SUGP1: variants seen among roughly 807,000 people sequenced by gnomAD.
SUGP1 encodes SURP and G-patch domain containing 1.
In SUGP1, 34 loss-of-function variants were observed where a neutral mutation model predicts 76.5. The ratio of observed to expected loss-of-function variants is 0.44; its 90% CI spans 0.34 to 0.59. The LOEUF is 0.59. Among genes scored for constraint, SUGP1 ranks in the 20% least tolerant of loss-of-function variants. The pLI, the probability that SUGP1 is intolerant of heterozygous loss-of-function variation, is 0.01. For missense variants in SUGP1, 752 were observed against 851.7 expected (o/e 0.88, Z 1.46); for synonymous variants, 326 against 326.2 (o/e 1.00, Z 0.01).
intron 8 of SUGP1, among the ~76,000 whole-genome samples, chr19:19,294,186 CA>C (rs2061207106): frequency 7.4e-6 from 1 of 135,748 alleles, no homozygotes; most frequent in African/African-American, 2.8e-5. Context: ...GACCCTGTCT[CA>C]AAAGAAAAAA....
intron 12 of SUGP1, 49 bp from the exon 13 acceptor site, chr19:19,277,125 C>CA: frequency 6.4e-7 from 1 of 1,566,926 alleles, no homozygotes. Context: ...AGAACTCTGG[C>CA]CGGGGGGCCG....
intron 5 of SUGP1, 88 bp from the exon 6 acceptor site, chr19:19,303,536 C>G: frequency 7.1e-7 from 1 of 1,407,490 alleles, no homozygotes; most frequent in Non-Finnish European, 1.0e-6. Context: ...CAAAAAAAGG[C>G]AGGCTGGCGA....
chr19:19,320,357 G>A lies in SUGP1; in HGVS notation c.34+106C>T, dbSNP rs368365282. On this transcript the variant is annotated intron_variant, in intron 1 of 13. Coordinates refer to ENST00000247001, the MANE Select transcript of SUGP1 (RefSeq NM_172231.4). ...CGACGCTGTGGGCTGCCCCGGGGCTGAAGCGAGGGATCCACGGGTCGCAGC... is the reference window on the plus strand; with the variant it reads ...CGACGCTGTGGGCTGCCCCGGGGCTAAAGCGAGGGATCCACGGGTCGCAGC... The A allele has an allele frequency of 4.3e-5, 55 of 1,270,914 alleles. No homozygotes were observed. The African/African-American group carries it at 7.2e-4, about 17-fold the overall frequency. 78.7% of individuals were successfully genotyped at this position (1,270,914 alleles called of 1,614,324 possible).
chr19:19,298,900 G>A (rs183777437), intron 7 of SUGP1, among the ~76,000 whole-genome samples: 15 of 152,142 alleles, frequency 9.9e-5, no homozygotes, highest in East Asian at 7.8e-4. Flanking sequence ...ATGGTCCAAG[G>A]ATGCATCACA....
chr19:19,279,324 C>T lies in SUGP1; in HGVS notation c.1417G>A (p.Glu473Lys), dbSNP rs771785261. The change falls in exon 10 of 14, where the codon GAG (glutamate) becomes AAG (lysine). Residue 473 changes from glutamate (E) to lysine (K), a missense_variant. Coordinates refer to ENST00000247001, the MANE Select transcript of SUGP1 (RefSeq NM_172231.4). ...TGCTGGTGCTGTTGGACTGCCTTCT[C>T]CCACAGCAGCTGCATGTCCTGCATG... is the stretch of plus-strand genomic sequence containing the variant. ...RAMQDMQLLW[E>K]KAVQQHQHGY... The T allele has an allele frequency of 1.2e-6, 2 of 1,611,102 alleles. No homozygotes were observed. Among genetic ancestry groups the T allele is most frequent in the South Asian group, 1.1e-5 (1 of 90,830 alleles).
At chr19:19,311,519 A>T (rs2061352841) in intron 2 of SUGP1, among the ~76,000 whole-genome samples, 1 of 151,780 alleles carries the variant, frequency 6.6e-6, no homozygotes, top group Non-Finnish European at 1.5e-5. Context: ...CGAGGTCAGG[A>T]GATAGAGACC....
chr19:19,287,734 T>G (rs1453946221), intron 8 of SUGP1, among the ~76,000 whole-genome samples: 1 of 152,180 alleles, frequency 6.6e-6, no homozygotes, highest in Admixed American at 6.5e-5. Context: ...GGTAGGAGGA[T>G]TCTCATTATT....
At chr19:19,303,271 A>C in intron 6 of SUGP1, 77 bp downstream of exon 6, 2 of 1,276,340 alleles carry the variant, frequency 1.6e-6, no homozygotes, top group South Asian at 2.4e-5. Context: ...CAGCACCTCC[A>C]GGAACCCCGA....
chr19:19,319,891 T>C (rs1301072125), intron 1 of SUGP1, among the ~76,000 whole-genome samples: 5 of 152,134 alleles, frequency 3.3e-5, no homozygotes, highest in Non-Finnish European at 7.4e-5. Context: ...GGCAGGGCCC[T>C]GTTTCGGTCA....
At chr19:19,279,188 C>CCGCCCACCCCCCA in intron 10 of SUGP1, 25 bp downstream of exon 10, 1 of 1,534,014 alleles carries the variant, frequency 6.5e-7, no homozygotes, top group Non-Finnish European at 8.8e-7. Context: ...CAGCCCAGCC[C>CCGCCCACCCCCCA]GGCCCACCCC....
At chr19:19,304,416 C>G (rs2061299530) in intron 4 of SUGP1, among the ~76,000 whole-genome samples, 1 of 152,118 alleles carries the variant, frequency 6.6e-6, no homozygotes, top group African/African-American at 2.4e-5. Context: ...TCATCTCATA[C>G]ACTTCCTGCC....
intron 8 of SUGP1, 25 bp downstream of exon 8, chr19:19,296,964 A>T (rs764210227): frequency 1.3e-6 from 2 of 1,524,896 alleles, no homozygotes; most frequent in Non-Finnish European, 1.8e-6. Context: ...CTTCCAACAC[A>T]GGGAGGGGGA....
chr19:19,287,672 G>A (rs759596889), intron 8 of SUGP1, among the ~76,000 whole-genome samples: 15 of 152,216 alleles, frequency 9.9e-5, no homozygotes, highest in African/African-American at 1.9e-4. Flanking sequence ...GCCAGATGAT[G>A]AGGAAGAAGC....
chr19:19,301,699 A>C (rs2061272800), intron 7 of SUGP1: 1 of 152,966 alleles, frequency 6.5e-6, no homozygotes, highest in Non-Finnish European at 1.5e-5. Context: ...TGAATGGATG[A>C]GCCAGTGAAC....
chr19:19,319,670 G>A (rs559483295), intron 1 of SUGP1, among the ~76,000 whole-genome samples: 1 of 132,452 alleles, frequency 7.5e-6, no homozygotes, highest in African/African-American at 2.9e-5. Flanking sequence ...GTGAGCCACT[G>A]CACTACAGCC....
chr19:19,296,906 C>T (rs2061229965), intron 8 of SUGP1, 83 bp downstream of exon 8: 1 of 1,178,274 alleles, frequency 8.5e-7, no homozygotes, highest in Non-Finnish European at 1.2e-6. Context: ...ACAAGCTACA[C>T]TGTGGATGAA....
rs373152885 is a variant in SUGP1 at position 19,297,124 on chromosome 19, G to A, written c.1108C>T (p.Pro370Ser). 1 of 1,613,848 alleles carries A rather than the reference G, an allele frequency of 6.2e-7. No individual in the cohort carries two copies. Among genetic ancestry groups the A allele is most frequent in the African/African-American group, 1.3e-5 (1 of 74,926 alleles). Residue 370 changes from proline (P) to serine (S), a missense_variant, in exon 8 of 14, where the codon CCC (proline) becomes TCC (serine). By Grantham distance (74) the Pro-to-Ser change is moderately conservative (BLOSUM62 -1). This residue lies in a region of SUGP1 where 620 missense variants were observed against 617.3 expected (regional missense o/e 1.00). Coordinates refer to ENST00000247001, the MANE Select transcript of SUGP1 (RefSeq NM_172231.4). Reference protein sequence around the residue: ...APTIIPAPAAPGKPASAATVK... With the variant: ...APTIIPAPAASGKPASAATVK... The stretch of plus-strand genomic sequence containing the variant: ...GTGGCTGCGGAGGCTGGCTTCCCGG[G>A]GGCAGCTGGAGCAGGGATGATAGTG...
At chr19:19,302,646 T>C (rs1256773641) in intron 6 of SUGP1, among the ~76,000 whole-genome samples, 3 of 146,854 alleles carry the variant, frequency 2.0e-5, no homozygotes, top group Non-Finnish European at 4.5e-5. Context: ...AGGATCCAAA[T>C]GTGACTGCGG....
rs753405908 is a variant in SUGP1, at chr19:19,303,730, G to A, written c.656C>T (p.Ala219Val). Reference sequence around the variant, plus strand: ...CTTCCCCGGAGATACTCACGCAAATGCTGGGTTATCCTTGTAGTCCTCCAT... The same window carrying A: ...CTTCCCCGGAGATACTCACGCAAATACTGGGTTATCCTTGTAGTCCTCCAT... ...VAMEDYKDNP[A>V]FAFLHDKNSR... The change falls in exon 5 of 14, where the codon GCA becomes GTA. Residue 219 changes from alanine to valine, a missense_variant. By Grantham distance (64) the Ala-to-Val change is moderately conservative. Around this residue, in one of 2 missense-constraint regions of SUGP1, gnomAD observed 620 missense variants for 617.3 expected, o/e 1.00. Transcript: ENST00000247001. 1.9e-6 allele frequency: 3 copies of A among 1,614,190 alleles called. No homozygotes were observed. The highest frequency in any genetic ancestry group is 1.7e-5 in the Admixed American group (1 of 60,018).
Sources: allele counts gnomAD v4.1 joint callset (sites outside exome capture counted in the v4.1 genomes callset), GRCh38; gene constraint gnomAD v4.1.1; regional missense constraint gnomAD v4.1.1; transcripts MANE v1.5; gene names NCBI Gene and HGNC (gene_info 2026-07-23, HGNC 2026-07-21).